The following LRGUK variants were observed in gnomAD, a reference collection of about 807,000 sequenced individuals.
LRGUK encodes leucine rich repeats and guanylate kinase domain containing, also known as leucine-rich repeat and guanylate kinase domain-containing protein.
LRGUK carries 65 observed loss-of-function variants against 76.0 expected under a neutral mutation model. The ratio of observed to expected loss-of-function variants is 0.85; its 90% CI spans 0.70 to 1.05. The LOEUF (loss-of-function observed/expected upper bound fraction) is 1.05, where lower values mean the gene tolerates loss of function less well. LRGUK is among the 50% of genes least tolerant of loss of function. LRGUK has a pLI of 0.00. For missense variants in LRGUK, 758 were observed against 732.8 expected (o/e 1.03, Z -0.40); for synonymous variants, 268 against 265.6 (o/e 1.01, Z -0.09).
At chr7:134,238,288 C>T (rs947872799) in intron 16 of LRGUK, among the ~76,000 whole-genome samples, 1 of 151,842 alleles carries the variant, frequency 6.6e-6, no homozygotes, top group Non-Finnish European at 1.5e-5. Flanking sequence ...TACACTTGTA[C>T]TTTATACTGG....
At chr7:134,221,551 G>T (rs1175463029) in intron 15 of LRGUK, among the ~76,000 whole-genome samples, 2 of 152,064 alleles carry the variant, frequency 1.3e-5, no homozygotes, top group African/African-American at 2.4e-5. Flanking sequence ...AATTGATTAA[G>T]TATTGGGTAT....
intron 18 of LRGUK, among the ~76,000 whole-genome samples, chr7:134,255,218 T>A (rs1032533749): frequency 7.6e-6 from 1 of 131,448 alleles, no homozygotes; most frequent in African/African-American, 2.9e-5. Flanking sequence ...ACATATGTTA[T>A]CTCAACACAC....
At chr7:134,264,830 T>C (rs969404421), downstream of LRGUK, among the ~76,000 whole-genome samples, 1 of 152,256 alleles carries the variant, frequency 6.6e-6, no homozygotes, top group African/African-American at 2.4e-5. Context: ...ACTCTGTGCA[T>C]GATGACTAGT....
chr7:134,170,741 A>C lies in LRGUK; in HGVS notation c.940-3815A>C, dbSNP rs552797999. Among the ~76,000 whole-genome samples, 23 of 152,352 alleles carry C rather than the reference A, an allele frequency of 1.5e-4. No homozygotes were observed. In the East Asian group the frequency reaches 1.7e-3, roughly 11 times the overall value. ...AATATCTAATAGTAATATAATGATA[A>C]CAGCTATCATTTATTGAGAACTCAT... On this transcript the variant is annotated intron_variant, in intron 7 of 15. Transcript: ENST00000645682.
chr7:134,204,440 A>G (rs531532568), intron 15 of LRGUK, among the ~76,000 whole-genome samples: 127 of 152,350 alleles, frequency 8.3e-4, no homozygotes, highest in African/African-American at 2.8e-3. Flanking sequence ...TATAACTGAA[A>G]CTGAGCCATC....
At chr7:134,258,048 G>T (rs750212433) in intron 18 of LRGUK, among the ~76,000 whole-genome samples, 1 of 152,092 alleles carries the variant, frequency 6.6e-6, no homozygotes, top group East Asian at 1.9e-4. Flanking sequence ...ATGCTAATGT[G>T]TACAGTACCT....
At chr7:134,190,185 G>A (rs1196871329) in intron 11 of LRGUK, among the ~76,000 whole-genome samples, 1 of 152,130 alleles carries the variant, frequency 6.6e-6, no homozygotes, top group Non-Finnish European at 1.5e-5. Flanking sequence ...CAAGTGTCTA[G>A]CTAGTCTCAT....
chr7:134,263,046 G>A (rs1802774930), intron 19 of LRGUK, among the ~76,000 whole-genome samples: 1 of 148,654 alleles, frequency 6.7e-6, no homozygotes, highest in African/African-American at 2.5e-5. Context: ...CTCAAACAAT[G>A]TCTTATTTTT....
chr7:134,150,514 G>T (rs1213439782), intron 5 of LRGUK, among the ~76,000 whole-genome samples: 1 of 151,604 alleles, frequency 6.6e-6, no homozygotes, highest in African/African-American at 2.4e-5. Context: ...AACAACACTG[G>T]TTTGTCTAGA....
At chr7:134,165,080 G>C (rs1331953691) in intron 7 of LRGUK, among the ~76,000 whole-genome samples, 1 of 152,148 alleles carries the variant, frequency 6.6e-6, no homozygotes, top group African/African-American at 2.4e-5. Flanking sequence ...TGGTGAAAGG[G>C]TGGAAAGCTC....
chr7:134,184,907 T>C (rs1302426110), intron 11 of LRGUK, among the ~76,000 whole-genome samples: 2 of 152,250 alleles, frequency 1.3e-5, no homozygotes, highest in Admixed American at 6.5e-5. Context: ...TATGATAGCA[T>C]GAATCACCGT....
chr7:134,143,297 TAAA>T (rs1797844187), intron 4 of LRGUK, 135 bp downstream of exon 4: 3 of 614,098 alleles, frequency 4.9e-6, no homozygotes, highest in East Asian at 5.4e-5. Context: ...TGAAATGAAA[TAAA>T]AAAGAAGGCT....
intron 16 of LRGUK, among the ~76,000 whole-genome samples, chr7:134,235,609 T>C (rs1053861397): frequency 2.0e-4 from 31 of 152,200 alleles, no homozygotes; most frequent in Non-Finnish European, 2.5e-4. Context: ...ATTATGCTTG[T>C]TGTTGGTCTT....
chr7:134,183,775 T>A, exon 11 of LRGUK: 1 of 1,614,058 alleles, frequency 6.2e-7, no homozygotes, highest in Non-Finnish European at 8.5e-7. Context: ...ATGCTGATAC[T>A]AGCTGGTCCT....
At chr7:134,221,865 A>G in exon 16 of LRGUK, 1 of 1,600,418 alleles carries the variant, frequency 6.2e-7, no homozygotes, top group Non-Finnish European at 8.5e-7. Flanking sequence ...TTCTACAGAC[A>G]GAAACTACCT....
intron 3 of LRGUK, among the ~76,000 whole-genome samples, chr7:134,142,348 T>G (rs1797801191): frequency 6.6e-6 from 1 of 152,216 alleles, no homozygotes; most frequent in South Asian, 2.1e-4. Flanking sequence ...TGTAAAGTCA[T>G]AGAGAAAGGT....
At chr7:134,201,511 G>A in exon 15 of LRGUK, 1 of 1,613,896 alleles carries the variant, frequency 6.2e-7, no homozygotes, top group African/African-American at 1.3e-5. Flanking sequence ...CAAAAACTGA[G>A]TCAGCTCATT....
At chr7:134,190,280 T>A (rs1800145244) in intron 11 of LRGUK, among the ~76,000 whole-genome samples, 1 of 152,204 alleles carries the variant, frequency 6.6e-6, no homozygotes, top group African/African-American at 2.4e-5. Context: ...AATTATGGCT[T>A]GCTGCAGCCT....
chr7:134,171,111 G>A (rs1301224104), intron 7 of LRGUK, among the ~76,000 whole-genome samples: 1 of 150,998 alleles, frequency 6.6e-6, no homozygotes, highest in African/African-American at 2.4e-5. Context: ...TCTAACCCTG[G>A]CCAAATATAG....
Sources: gnomAD v4.1 joint callset for allele counts (sites outside exome capture counted in the v4.1 genomes callset) on GRCh38, gnomAD v4.1.1 for gene constraint, MANE v1.5 for transcripts, NCBI Gene and HGNC (gene_info 2026-07-23, HGNC 2026-07-21) for gene names.